The following DTNA variants were observed in gnomAD, a reference collection of about 807,000 sequenced individuals.
DTNA encodes the protein dystrobrevin alpha.
DTNA carries 43 observed loss-of-function variants against 100.7 expected under a neutral mutation model. The observed-to-expected ratio is 0.43, with a 90% CI of 0.33 to 0.55. The LOEUF is 0.55. DTNA is among the 20% of genes least tolerant of loss of function. The probability of loss-of-function intolerance (pLI) is 0.04; values close to 1 mark genes in which losing one functional copy is unlikely to be tolerated. For synonymous variants in DTNA, 349 were observed against 347.9 expected, an observed-to-expected ratio of 1.00 and a Z score of -0.04; for missense variants, 798 against 953.9, an observed-to-expected ratio of 0.84 and a Z score of 2.15.
At chr18:34,591,636 A>G (rs1487777806) in intron 1 of DTNA, among the ~76,000 whole-genome samples, 4 of 152,212 alleles carry the variant, frequency 2.6e-5, no homozygotes, top group African/African-American at 7.2e-5. Flanking sequence ...TACTTTCTGG[A>G]CTATTGCTTT....
chr18:34,669,847 G>T (rs2076495601), intron 1 of DTNA, among the ~76,000 whole-genome samples: 1 of 152,144 alleles, frequency 6.6e-6, no homozygotes, highest in Admixed American at 6.5e-5. Flanking sequence ...TTTCTCTCTG[G>T]CTGCCCTTAA....
At chr18:34,846,988 A>G (rs757143373) in intron 13 of DTNA, among the ~76,000 whole-genome samples, 2 of 152,218 alleles carry the variant, frequency 1.3e-5, no homozygotes, top group Non-Finnish European at 2.9e-5. Flanking sequence ...GCAGAAGAAT[A>G]TAAGTATGTT....
chr18:34,720,585 G>A lies in DTNA; in HGVS notation c.-2+10140G>A, dbSNP rs34191071. 8.7e-3 allele frequency among the ~76,000 whole-genome samples: 1,331 copies of A among 152,286 alleles called. 18 individuals carry two copies. Among genetic ancestry groups the A allele is most frequent in the Non-Finnish European group, 0.014 (944 of 68,026 alleles). On this transcript the variant is annotated intron_variant, in intron 1 of 22. Transcript: ENST00000444659. ...GGATTCTGAGTAATCAGAAGTTGTC[G>A]TCTGCTTTGGTGGCTCCTATAGTTC...
At chr18:34,881,437 C>A (rs1026918822) in intron 20 of DTNA, among the ~76,000 whole-genome samples, 1 of 51,396 alleles carries the variant, frequency 1.9e-5, no homozygotes, top group Non-Finnish European at 3.5e-5. Context: ...AATTAAAATG[C>A]TTTTTTTTTT....
intron 1 of DTNA, chr18:34,574,028 A>G (rs1340776148): frequency 1.3e-5 from 2 of 155,746 alleles, no homozygotes; most frequent in Non-Finnish European, 2.9e-5. Context: ...TGTTTAAAGT[A>G]TGGACATTCT....
chr18:34,824,369 G>A (rs1427492938), intron 9 of DTNA, among the ~76,000 whole-genome samples: 5 of 152,008 alleles, frequency 3.3e-5, no homozygotes, highest in East Asian at 1.9e-4. Flanking sequence ...CCAGCTACTC[G>A]GGATGCTGAG....
chr18:34,689,290 T>C (rs1252089777), intron 1 of DTNA, among the ~76,000 whole-genome samples: 2 of 152,210 alleles, frequency 1.3e-5, no homozygotes, highest in Non-Finnish European at 1.5e-5. Flanking sequence ...TATCTATTTT[T>C]GGTCTTTGTT....
At chr18:34,575,641 T>C (rs2849495) in intron 1 of DTNA, among the ~76,000 whole-genome samples, 30,371 of 152,144 alleles carry the variant, frequency 0.2, 3,600 homozygotes, top group African/African-American at 0.32. Context: ...TTCATCGAAA[T>C]TTTTCTTTAA....
chr18:34,826,936 A>G (rs74768573), intron 9 of DTNA, among the ~76,000 whole-genome samples: 1 of 152,284 alleles, frequency 6.6e-6, no homozygotes, highest in Non-Finnish European at 1.5e-5. Flanking sequence ...ATTCTGAGGA[A>G]AATTGAATTC....
chr18:34,518,525 C>CT lies in DTNA; in HGVS notation c.-2+25020dup, dbSNP rs531747190. 8.0e-4 allele frequency among the ~76,000 whole-genome samples: 120 copies of CT among 150,534 alleles called. 1 individual carries two copies. The East Asian group carries it at 0.021, about 26-fold the overall frequency. On this transcript the variant is annotated intron_variant, in intron 1 of 19. Transcript: ENST00000283365. ...CCTAAATCTCTATCCTGAAGATTTT[C>CT]TTTTTTTTTCCTAAAAGTTTCATTA...
intron 1 of DTNA, among the ~76,000 whole-genome samples, chr18:34,557,650 G>T (rs1394130122): frequency 6.6e-6 from 1 of 151,622 alleles, no homozygotes; most frequent in Non-Finnish European, 1.5e-5. Flanking sequence ...GTGTGCCCCT[G>T]CTGGGGGGGT....
chr18:34,593,056 G>T (rs562135683), intron 1 of DTNA, among the ~76,000 whole-genome samples: 1 of 152,196 alleles, frequency 6.6e-6, no homozygotes. Context: ...CAGTGAGTAG[G>T]GGGAGGGGAT....
At chr18:34,856,756 A>C (rs888444275) in intron 15 of DTNA, among the ~76,000 whole-genome samples, 1 of 152,246 alleles carries the variant, frequency 6.6e-6, no homozygotes, top group Non-Finnish European at 1.5e-5. Context: ...AAATAAAATA[A>C]CATTAAAGAA....
At chr18:34,661,153 C>A (rs1249543879) in intron 1 of DTNA, among the ~76,000 whole-genome samples, 1 of 152,148 alleles carries the variant, frequency 6.6e-6, no homozygotes, top group East Asian at 1.9e-4. Flanking sequence ...CCATTCTCCA[C>A]CCTGAAAACA....
chr18:34,576,937 T>TA (rs2048168284), intron 1 of DTNA, among the ~76,000 whole-genome samples: 1 of 152,164 alleles, frequency 6.6e-6, no homozygotes, highest in Non-Finnish European at 1.5e-5. Context: ...ATCAGACTTC[T>TA]AGGCTACAGC....
intron 15 of DTNA, among the ~76,000 whole-genome samples, chr18:34,855,868 C>T (rs2096546274): frequency 6.6e-6 from 1 of 152,166 alleles, no homozygotes; most frequent in African/African-American, 2.4e-5. Flanking sequence ...TCCACTCGGG[C>T]ATGGGGGTAA....
At chr18:34,605,635 A>G (rs1343175394) in intron 1 of DTNA, among the ~76,000 whole-genome samples, 180 of 13,356 alleles carry the variant, frequency 0.013, no homozygotes, top group African/African-American at 0.039. Context: ...CAACTCAGGC[A>G]CACACACACA....
chr18:34,835,716 G>A (rs2096126516), intron 11 of DTNA, among the ~76,000 whole-genome samples: 1 of 152,240 alleles, frequency 6.6e-6, no homozygotes, highest in African/African-American at 2.4e-5. Context: ...ACATTTCTGG[G>A]CCTTCACTGA....
At chr18:34,563,265 G>A (rs1224118993) in intron 1 of DTNA, among the ~76,000 whole-genome samples, 1 of 152,228 alleles carries the variant, frequency 6.6e-6, no homozygotes, top group African/African-American at 2.4e-5. Context: ...GATGAAGGCA[G>A]ACATTGGAGT....
Sources: allele counts gnomAD v4.1 joint callset (sites outside exome capture counted in the v4.1 genomes callset), GRCh38; gene constraint gnomAD v4.1.1; transcripts MANE v1.5; gene names NCBI Gene and HGNC (gene_info 2026-07-23, HGNC 2026-07-21).